The following PRDM5 variants were observed in gnomAD, a reference collection of about 807,000 sequenced individuals.
The protein encoded by PRDM5 is PR/SET domain 5, also known as PR domain zinc finger protein 5.
In PRDM5, 56 loss-of-function variants were observed where a neutral mutation model predicts 81.2. That is an observed-to-expected ratio of 0.69 (90% CI 0.56 to 0.86). The LOEUF is 0.86. Among genes scored for constraint, PRDM5 ranks in the 40% least tolerant of loss-of-function variants. The pLI, the probability that PRDM5 is intolerant of heterozygous loss-of-function variation, is 0.00. For missense variants in PRDM5, 697 were observed against 770.1 expected, an observed-to-expected ratio of 0.91 and a Z score of 1.12; for synonymous variants, 267 against 256.4, an observed-to-expected ratio of 1.04 and a Z score of -0.39.
chr4:120,769,590 A>G (rs1393278450), intron 13 of PRDM5, among the ~76,000 whole-genome samples: 1 of 152,164 alleles, frequency 6.6e-6, no homozygotes, highest in Admixed American at 6.5e-5. Context: ...TAATAAAATG[A>G]CCCAGTGAGC....
chr4:120,736,569 C>T (rs1042820648), intron 14 of PRDM5, among the ~76,000 whole-genome samples: 23 of 152,264 alleles, frequency 1.5e-4, no homozygotes, highest in Middle Eastern at 3.4e-3. Context: ...CATTCAGAGA[C>T]GACCTTTTAT....
At chr4:120,863,719 T>G (rs1353867862) in intron 2 of PRDM5, among the ~76,000 whole-genome samples, 1 of 152,214 alleles carries the variant, frequency 6.6e-6, no homozygotes, top group Non-Finnish European at 1.5e-5. Flanking sequence ...GGAAGAATAT[T>G]CAGGAGTAAT....
intron 1 of PRDM5, among the ~76,000 whole-genome samples, chr4:120,910,342 T>C (rs1040790033): frequency 6.6e-6 from 1 of 152,210 alleles, no homozygotes; most frequent in African/African-American, 2.4e-5. Flanking sequence ...AATGCAGATA[T>C]TGAAAACCTA....
chr4:120,786,085 A>G, intron 10 of PRDM5, among the ~76,000 whole-genome samples: 1 of 152,154 alleles, frequency 6.6e-6, no homozygotes, highest in East Asian at 1.9e-4. Flanking sequence ...CATAAAACAA[A>G]TCATAACTGA....
intron 2 of PRDM5, among the ~76,000 whole-genome samples, chr4:120,901,653 T>C (rs1429803177): frequency 6.6e-6 from 1 of 152,254 alleles, no homozygotes; most frequent in Non-Finnish European, 1.5e-5. Context: ...TTGAGATAAA[T>C]ACCTTTTTAG....
At chr4:120,698,453 T>C (rs1734846931) in intron 15 of PRDM5, among the ~76,000 whole-genome samples, 1 of 152,202 alleles carries the variant, frequency 6.6e-6, no homozygotes. Flanking sequence ...AGGATTTCAG[T>C]GCCCAATCCT....
rs1759251424 is a variant in PRDM5, at chr4:120,851,418, G to GA, written c.300+1999dup. ...GGATGAGTTTGCCTCAGAAAGCCAT[G>GA]AAAAAATATATAAACACTTGGAAAA... On this transcript the variant is annotated intron_variant, in intron 3 of 15. Coordinates refer to ENST00000264808, the MANE Select transcript of PRDM5 (RefSeq NM_018699.4). Among the ~76,000 whole-genome samples the GA allele has an allele frequency of 2.1e-5, 3 of 142,506 alleles. No homozygotes were observed. The Admixed American group carries it at 2.1e-4, about 10-fold the overall frequency. 93.5% of individuals were successfully genotyped at this position (142,506 alleles called of 152,430 possible). A position where few individuals can be genotyped will look rare whatever the true frequency, so the allele number is the denominator to read the frequency against.
chr4:120,732,070 T>G (rs1175673162), intron 14 of PRDM5, among the ~76,000 whole-genome samples: 1 of 152,150 alleles, frequency 6.6e-6, no homozygotes, highest in Non-Finnish European at 1.5e-5. Flanking sequence ...TTGAACCATC[T>G]CAGGATAAGG....
intron 14 of PRDM5, among the ~76,000 whole-genome samples, chr4:120,718,235 A>G (rs189918678): frequency 1.5e-3 from 229 of 152,282 alleles, no homozygotes; most frequent in Non-Finnish European, 2.0e-3. Context: ...ACCAACCTGG[A>G]TTTCATATAA....
chr4:120,818,847 T>C (rs1224708650), intron 4 of PRDM5, among the ~76,000 whole-genome samples: 2 of 152,174 alleles, frequency 1.3e-5, no homozygotes, highest in Non-Finnish European at 2.9e-5. Flanking sequence ...ATTCCTGAAA[T>C]TGGTCATTTT....
chr4:120,816,784 A>T (rs1023957044), intron 6 of PRDM5, 48 bp downstream of exon 6: 1 of 1,562,154 alleles, frequency 6.4e-7, no homozygotes, highest in Admixed American at 1.7e-5. Context: ...GCATGCAAAA[A>T]ATGACCCACA....
chr4:120,907,613 A>T (rs1765983870), intron 1 of PRDM5, 56 bp from the exon 2 acceptor site: 1 of 1,380,182 alleles, frequency 7.2e-7, no homozygotes, highest in Non-Finnish European at 1.0e-6. Flanking sequence ...AACATACTAA[A>T]ATAAACGACT....
intron 10 of PRDM5, among the ~76,000 whole-genome samples, chr4:120,792,652 A>C (rs1750743777): frequency 6.6e-6 from 1 of 152,210 alleles, no homozygotes; most frequent in African/African-American, 2.4e-5. Context: ...ATATAAAAAC[A>C]ACCTAAGAAG....
intron 14 of PRDM5, among the ~76,000 whole-genome samples, chr4:120,712,304 A>G (rs1342769693): frequency 6.6e-6 from 1 of 152,128 alleles, no homozygotes; most frequent in Non-Finnish European, 1.5e-5. Context: ...AAACAAAAAC[A>G]TTTTTGAATT....
chr4:120,697,993 AT>A (rs1431060898), intron 15 of PRDM5, among the ~76,000 whole-genome samples: 6 of 152,184 alleles, frequency 3.9e-5, no homozygotes, highest in Middle Eastern at 6.8e-3. Context: ...ATAGATTAAT[AT>A]TAATATTAGC....
chr4:120,780,818 A>C (rs935972460), intron 12 of PRDM5, among the ~76,000 whole-genome samples: 1 of 152,156 alleles, frequency 6.6e-6, no homozygotes, highest in Non-Finnish European at 1.5e-5. Flanking sequence ...TTTCTTAGAA[A>C]GAAACAGCCT....
intron 1 of PRDM5, among the ~76,000 whole-genome samples, chr4:120,685,245 T>C (rs1165068323): frequency 1.3e-5 from 2 of 152,066 alleles, no homozygotes; most frequent in Non-Finnish European, 2.9e-5. Flanking sequence ...AGGAGGTAGG[T>C]AGCTGAAGGT....
At chr4:120,834,212 A>AT (rs972774641) in intron 3 of PRDM5, among the ~76,000 whole-genome samples, 3 of 152,156 alleles carry the variant, frequency 2.0e-5, no homozygotes, top group African/African-American at 7.2e-5. Context: ...GTGATGGTTA[A>AT]TTTTATATGT....
intron 13 of PRDM5, among the ~76,000 whole-genome samples, chr4:120,770,272 G>A (rs1421353038): frequency 6.6e-6 from 1 of 151,866 alleles, no homozygotes; most frequent in African/African-American, 2.4e-5. Context: ...CAGGTGATCT[G>A]CCCACCTCAA....
Sources: allele counts gnomAD v4.1 joint callset (sites outside exome capture counted in the v4.1 genomes callset), GRCh38; gene constraint gnomAD v4.1.1; transcripts MANE v1.5; gene names NCBI Gene and HGNC (gene_info 2026-07-23, HGNC 2026-07-21).